LAMP1: variants seen among roughly 807,000 people sequenced by gnomAD.
LAMP1 encodes lysosome-associated membrane glycoprotein 1.
Under a neutral mutation model 37.5 loss-of-function variants are expected in LAMP1, and 7 were observed. The ratio of observed to expected loss-of-function variants is 0.19; its 90% confidence interval spans 0.11 to 0.35. The LOEUF (loss-of-function observed/expected upper bound fraction) is 0.35. Ranked by LOEUF, LAMP1 falls within the 10% of genes least tolerant of loss-of-function variation. The pLI is 1.00. For synonymous variants in LAMP1, 236 were observed against 229.1 expected (o/e 1.03, Z -0.27); for missense variants, 537 against 552.8 (o/e 0.97, Z 0.29).
At chr13:113,304,499 A>C (rs1464437932) in intron 1 of LAMP1, among the ~76,000 whole-genome samples, 1 of 152,244 alleles carries the variant, frequency 6.6e-6, no homozygotes, top group Non-Finnish European at 1.5e-5. Context: ...AAGTGGTAGA[A>C]TCTTCCCTAG....
rs2042696479 is a variant in LAMP1 at position 113,321,084 on chromosome 13, G to GCCCA, written c.877-320_877-319insCCCA. ...TGGTCCCAGCTACTTGGGAGGCTGA[G>GCCCA]GTGGGAGGATCACTTGAGCCCAGGA... On this transcript the variant is annotated intron_variant, in intron 6 of 8. Coordinates refer to ENST00000332556, the MANE Select transcript of LAMP1 (RefSeq NM_005561.4). This position sits in a 1 kb window ranked among gnomAD's most constrained non-coding sequence, Gnocchi z 5.6. 2.9e-6 allele frequency: 1 copy of GCCCA among 349,690 alleles called. No homozygotes were observed. The highest frequency in any genetic ancestry group is 5.5e-6 in the Non-Finnish European group (1 of 183,442). 21.7% of individuals were successfully genotyped at this position (349,690 alleles called of 1,614,324 possible). A position where few individuals can be genotyped will look rare whatever the true frequency, so the allele number is the denominator to read the frequency against.
At chr13:113,306,372 A>G in intron 1 of LAMP1, 113 bp from the exon 2 acceptor site, 1 of 1,216,960 alleles carries the variant, frequency 8.2e-7, no homozygotes, top group Non-Finnish European at 1.1e-6. Context: ...AAAAAGAGAA[A>G]CAGTGGAATC....
In LAMP1 at chr13:113,322,390, AGAG is replaced by A. The variant is rs2042707117; in HGVS notation, c.1227_1229del (p.Arg409del). 1 of 1,613,704 alleles carries A rather than the reference AGAG, an allele frequency of 6.2e-7. No homozygotes were observed. The highest frequency in any genetic ancestry group is 1.1e-5 in the South Asian group (1 of 91,070). ...CTCATCGCCTACCTCGTCGGCAGGA[AGAG>A]GAGTCACGCAGGCTACCAGACTATC... On this transcript the variant is annotated inframe_deletion, in exon 9 of 9. Coordinates refer to ENST00000332556, the MANE Select transcript of LAMP1 (RefSeq NM_005561.4).
chr13:113,321,558 C>A lies in LAMP1; in HGVS notation c.945C>A (p.Asp315Glu), dbSNP rs200239310. ...QLNTILPDAR[D>E]PAFKAANGSL... Reference sequence around the variant, plus strand: ...ACTAGACCTCTGTGTGTGTTGCAGACCCTGCCTTTAAAGCTGCCAACGGCT... The same window carrying A: ...ACTAGACCTCTGTGTGTGTTGCAGAACCTGCCTTTAAAGCTGCCAACGGCT... Residue 315 changes from aspartate to glutamate, a missense_variant and splice_region_variant, in exon 8 of 9, where the codon GAC becomes GAA. By Grantham distance (45) the Asp-to-Glu change is conservative (BLOSUM62 2). Transcript: ENST00000332556. This position sits in a 1 kb window ranked among gnomAD's most constrained non-coding sequence, Gnocchi z 5.6. The A allele has an allele frequency of 2.1e-5, 34 of 1,613,880 alleles. No individual in the cohort carries two copies. In the East Asian group the frequency reaches 7.2e-4, roughly 34 times the overall value.
rs2042719431 is a variant in LAMP1, at chr13:113,323,430, G to C, written c.*1009G>C. 6.6e-6 allele frequency: 1 copy of C among 151,616 alleles called. No homozygotes were observed. The highest frequency in any genetic ancestry group is 2.1e-4 in the South Asian group (1 of 4,782). 9.4% of individuals were successfully genotyped at this position (151,616 alleles called of 1,614,324 possible). A position where few individuals can be genotyped will look rare whatever the true frequency, so the allele number is the denominator to read the frequency against. On this transcript the variant is annotated 3_prime_UTR_variant, in exon 9 of 9. Transcript: ENST00000332556. ...TAATAAAAAGCCTCTTTCTTTTTGG[G>C]GTGGGCCTTGTCCTTCTGTCAGCTA...
In LAMP1 at chr13:113,310,871, G is replaced by A. The variant is rs183884509; in HGVS notation, c.562+4G>A. ...AACAGCAGCTTCAGCCGGGGAGGTA[G>A]GACGCTGACCCTTGGCCCTCTGGTG... On this transcript the variant is annotated splice_donor_region_variant and intron_variant, in intron 4 of 8. Transcript: ENST00000332556. The A allele has an allele frequency of 3.3e-4, 537 of 1,612,550 alleles. 3 individuals are homozygous for A. In the East Asian group the frequency reaches 0.011, roughly 32 times the overall value.
At chr13:113,313,542 T>A (rs2042642580) in intron 4 of LAMP1, among the ~76,000 whole-genome samples, 1 of 150,616 alleles carries the variant, frequency 6.6e-6, no homozygotes, top group African/African-American at 2.5e-5. Context: ...GCCTGGGGCG[T>A]GGCCTCCTAG....
chr13:113,321,775 C>A lies in LAMP1; in HGVS notation c.1114+48C>A. On this transcript the variant is annotated intron_variant, in intron 8 of 8. Transcript: ENST00000332556. This position sits in a 1 kb window ranked among gnomAD's most constrained non-coding sequence, Gnocchi z 5.6. The stretch of plus-strand genomic sequence containing the variant: ...GTCGCGGGGTGTGGAGGACGTGCTT[C>A]AGACTCCGCCTGTGGACGTTTAGTC... The A allele has an allele frequency of 6.3e-7, 1 of 1,578,818 alleles. No homozygotes were observed. The highest frequency in any genetic ancestry group is 8.7e-7 in the Non-Finnish European group (1 of 1,155,090).
rs368972112 is a variant in LAMP1, at chr13:113,321,354, C to G, written c.877-50C>G. ...GTGTGAATCTACTGGGGTTAAAGAT[C>G]ATCTTTCTATGAATCTGCTCCGTGA... On this transcript the variant is annotated intron_variant, in intron 6 of 8. Transcript: ENST00000332556. The surrounding 1 kb of genome is among the most constrained non-coding windows in gnomAD (Gnocchi z 5.6). 6.2e-6 allele frequency: 9 copies of G among 1,450,720 alleles called. No individual in the cohort carries two copies. The allele number at this position is 1,450,720 out of a possible 1,614,324, so 89.9% of individuals were successfully genotyped here. A position where few individuals can be genotyped will look rare whatever the true frequency, so the allele number is the denominator to read the frequency against.
At chr13:113,306,663 A>C in intron 2 of LAMP1, 57 bp downstream of exon 2, 1 of 1,574,570 alleles carries the variant, frequency 6.4e-7, no homozygotes, top group South Asian at 1.1e-5. Context: ...GATGATTTTT[A>C]ACATTTCAAC....
Position 113,322,367 on chromosome 13 carries a change from C to A in LAMP1, c.1200C>A (p.Leu400=). 6.2e-7 allele frequency: 1 copy of A among 1,613,808 alleles called. No homozygotes were observed. Among genetic ancestry groups the A allele is most frequent in the Non-Finnish European group, 8.5e-7 (1 of 1,179,866 alleles). The part of the protein sequence containing the change: ...GALAGLVLIV[L]IAYLVGRKRS... Reference sequence around the variant, plus strand: ...TGGCGGGGCTGGTCCTCATCGTCCTCATCGCCTACCTCGTCGGCAGGAAGA... The same window carrying A: ...TGGCGGGGCTGGTCCTCATCGTCCTAATCGCCTACCTCGTCGGCAGGAAGA... Residue 400 remains leucine, a synonymous_variant, in exon 9 of 9, where the codon CTC becomes CTA. Coordinates refer to ENST00000332556, the MANE Select transcript of LAMP1 (RefSeq NM_005561.4).
In LAMP1 at chr13:113,320,745, A is replaced by G. The variant is rs953970120; in HGVS notation, c.876+275A>G. On this transcript the variant is annotated intron_variant, in intron 6 of 8. Coordinates refer to ENST00000332556, the MANE Select transcript of LAMP1 (RefSeq NM_005561.4). This position sits in a 1 kb window ranked among gnomAD's most constrained non-coding sequence, Gnocchi z 4.4. ...AGGCCGTGCGGCCTTCTGGCTTCAG[A>G]TGCTGCTGCCCTGTGGTTCCGTGGT... 1.0e-4 allele frequency: 46 copies of G among 458,048 alleles called. No individual in the cohort carries two copies. Among genetic ancestry groups the G allele is most frequent in the Non-Finnish European group, 1.7e-4 (43 of 254,118 alleles). The allele number at this position is 458,048 out of a possible 1,614,324, so 28.4% of individuals were successfully genotyped here. A position where few individuals can be genotyped will look rare whatever the true frequency, so the allele number is the denominator to read the frequency against.
At chr13:113,308,471 T>C (rs543646081) in intron 2 of LAMP1, among the ~76,000 whole-genome samples, 1 of 151,670 alleles carries the variant, frequency 6.6e-6, no homozygotes, top group African/African-American at 2.4e-5. Context: ...TAGCTAGGAT[T>C]ACAGGCATGC....
At chr13:113,319,702 C>G in intron 5 of LAMP1, 46 bp downstream of exon 5, 1 of 1,557,114 alleles carries the variant, frequency 6.4e-7, no homozygotes, top group Non-Finnish European at 8.8e-7. Flanking sequence ...CACGGTAGGG[C>G]TGGAGCCTCT....
intron 1 of LAMP1, chr13:113,305,076 T>C (rs2042591806): frequency 6.6e-6 from 1 of 152,262 alleles, no homozygotes; most frequent in African/African-American, 2.4e-5. Context: ...GTAAAGATTT[T>C]ATTTTGTGAA....
In LAMP1 at chr13:113,306,119, G is replaced by A. The variant is rs144120294; in HGVS notation, c.62-366G>A. 2.2e-3 allele frequency: 376 copies of A among 172,996 alleles called. 2 individuals carry two copies. The highest frequency in any genetic ancestry group is 8.5e-3 in the African/African-American group (357 of 41,932). The allele number at this position is 172,996 out of a possible 1,614,324, so 10.7% of individuals were successfully genotyped here. A position where few individuals can be genotyped will look rare whatever the true frequency, so the allele number is the denominator to read the frequency against. On this transcript the variant is annotated intron_variant, in intron 1 of 8. Coordinates refer to ENST00000332556, the MANE Select transcript of LAMP1 (RefSeq NM_005561.4). Reference sequence around the variant, plus strand: ...GACACCTATAATCCCAGCACCTTGGGAGGCCAAGGTGGGTGGATCACCTGA... The same window carrying A: ...GACACCTATAATCCCAGCACCTTGGAAGGCCAAGGTGGGTGGATCACCTGA...
chr13:113,307,175 T>TC (rs2042604396), intron 2 of LAMP1, among the ~76,000 whole-genome samples: 1 of 146,228 alleles, frequency 6.8e-6, no homozygotes, highest in Non-Finnish European at 1.5e-5. Context: ...TTTTTTTTTT[T>TC]GAGATGGAAT....
Position 113,312,141 on chromosome 13 carries a change from C to G in LAMP1, c.562+1274C>G, listed in dbSNP as rs569468071. Among the ~76,000 whole-genome samples, 4 of 152,332 alleles carry G rather than the reference C, an allele frequency of 2.6e-5. No individual in the cohort carries two copies. In the South Asian group the frequency reaches 8.3e-4, roughly 32 times the overall value. On this transcript the variant is annotated intron_variant, in intron 4 of 8. Coordinates refer to ENST00000332556, the MANE Select transcript of LAMP1 (RefSeq NM_005561.4). Reference sequence around the variant, plus strand: ...TGGGCTCCACAGGAGGATCGTCCGTCTCACTCCTCCCCGAGGAGCAGGTAC... The same window carrying G: ...TGGGCTCCACAGGAGGATCGTCCGTGTCACTCCTCCCCGAGGAGCAGGTAC...
chr13:113,302,002 A>T (rs2042577436), intron 1 of LAMP1, among the ~76,000 whole-genome samples: 1 of 150,674 alleles, frequency 6.6e-6, no homozygotes, highest in Non-Finnish European at 1.5e-5. Context: ...ACCAGGGATT[A>T]CAGGCATGCG....
Sources: gnomAD v4.1 joint callset for allele counts (sites outside exome capture counted in the v4.1 genomes callset) on GRCh38, gnomAD v4.1.1 for gene constraint, Gnocchi (gnomAD v3.1) non-coding constraint, MANE v1.5 for transcripts, NCBI Gene and HGNC (gene_info 2026-07-23, HGNC 2026-07-21) for gene names.